The following JUP variants were observed in gnomAD, a reference collection of about 807,000 sequenced individuals.
JUP encodes junction plakoglobin.
JUP carries 28 observed loss-of-function variants against 71.1 expected under a neutral mutation model. That is an observed-to-expected ratio of 0.39 (90% CI 0.29 to 0.54). The LOEUF (loss-of-function observed/expected upper bound fraction) is 0.54, where lower values mean the gene tolerates loss of function less well. JUP is among the 20% of genes least tolerant of loss of function. The pLI is 0.62. For synonymous variants in JUP, 401 were observed against 438.9 expected, an observed-to-expected ratio of 0.91 and a Z score of 1.08; for missense variants, 869 against 1,030.1, an observed-to-expected ratio of 0.84 and a Z score of 2.14.
At chr17:41,756,309 A>T in intron 12 of JUP, 95 bp from the exon 13 acceptor site, 1 of 1,289,806 alleles carries the variant, frequency 7.8e-7, no homozygotes. Flanking sequence ...CTTCTAAAAG[A>T]GGGGGCCAGG....
chr17:41,785,335 G>A (rs1555611500), intron 1 of JUP, among the ~76,000 whole-genome samples: 1 of 152,040 alleles, frequency 6.6e-6, no homozygotes, highest in Non-Finnish European at 1.5e-5. Context: ...CCCCATTCCT[G>A]GGGAGGGGGC....
In JUP at chr17:41,775,679, G is replaced by A. The variant is rs554506867; in HGVS notation, c.-8-3817C>T. Among the ~76,000 whole-genome samples the A allele has an allele frequency of 4.6e-5, 7 of 152,326 alleles. No homozygotes were observed. In the South Asian group the frequency reaches 8.3e-4, roughly 18 times the overall value. ...TGAATGGGGGGCCTTTGTTTAGAGC[G>A]TGCTCTATTGTTAGCAGCACGGGAG... On this transcript the variant is annotated intron_variant, in intron 1 of 13. Coordinates refer to ENST00000393931, the MANE Select transcript of JUP (RefSeq NM_002230.4).
intron 1 of JUP, 43 bp from the exon 2 acceptor site, chr17:41,771,905 G>T: frequency 6.6e-7 from 1 of 1,512,104 alleles, no homozygotes. Context: ...GAAGTCACCT[G>T]GCCCAGCCCC....
intron 8 of JUP, 97 bp from the exon 9 acceptor site, chr17:41,758,967 C>T (rs1012195302): frequency 3.1e-5 from 40 of 1,305,222 alleles, no homozygotes; most frequent in Non-Finnish European, 3.9e-5. Context: ...TTCACCTCTT[C>T]TGTCCCCGAG....
Position 41,767,366 on chromosome 17 carries a change from G to A in JUP, c.909+13C>T. The stretch of plus-strand genomic sequence containing the variant: ...GTGGGCTTCAGGCCTCGGGAGAGTT[G>A]GGGAGGGCCCACCTTGCTCTCCTGG... On this transcript the variant is annotated intron_variant, in intron 5 of 13. Transcript: ENST00000393931. The A allele has an allele frequency of 6.2e-7, 1 of 1,612,558 alleles. No individual in the cohort carries two copies. The highest frequency in any genetic ancestry group is 8.5e-7 in the Non-Finnish European group (1 of 1,178,798).
At chr17:41,756,138 G>T in intron 13 of JUP, 37 bp downstream of exon 13, 3 of 1,605,340 alleles carry the variant, frequency 1.9e-6, no homozygotes, top group Non-Finnish European at 2.6e-6. Context: ...AGCCGCCCAG[G>T]ATCTCCAGGG....
intron 8 of JUP, among the ~76,000 whole-genome samples, chr17:41,761,678 G>A (rs1453229240): frequency 6.6e-6 from 1 of 151,510 alleles, no homozygotes; most frequent in East Asian, 1.9e-4. Context: ...GCTTGAACCC[G>A]GGAGGCGGAG....
chr17:41,769,798 C>T (rs545209175), intron 2 of JUP, 121 bp from the exon 3 acceptor site: 9 of 1,125,430 alleles, frequency 8.0e-6, no homozygotes, highest in African/African-American at 1.5e-5. Context: ...CTGCCCAAAC[C>T]CCCAGCACAT....
intron 2 of JUP, chr17:41,771,307 C>T: frequency 5.6e-6 from 2 of 354,138 alleles, no homozygotes; most frequent in South Asian, 2.7e-5. Context: ...GCTGGGATTA[C>T]AGGCATGAGC....
Position 41,771,488 on chromosome 17 carries a change from G to A in JUP, c.208+159C>T, listed in dbSNP as rs1325940966. ...CCAGATGCAGCACCCTGAAGTAGCT[G>A]CACCTCCTCCTTCAGACTGGGTGGG... On this transcript the variant is annotated intron_variant, in intron 2 of 13. Coordinates refer to ENST00000393931, the MANE Select transcript of JUP (RefSeq NM_002230.4). The A allele has an allele frequency of 1.1e-4, 71 of 662,610 alleles. 3 individuals are homozygous for A. In the South Asian group the frequency reaches 1.1e-3, roughly 10 times the overall value. 41.0% of individuals were successfully genotyped at this position (662,610 alleles called of 1,614,324 possible).
rs782667212 is a variant in JUP at position 41,764,828 on chromosome 17, A to T, written c.1055-12T>A. The T allele has an allele frequency of 1.4e-5, 22 of 1,613,536 alleles. No homozygotes were observed. The highest frequency in any genetic ancestry group is 1.9e-5 in the Non-Finnish European group (22 of 1,179,788). ...GGCCTGCATCCCACCTGGGGCAGGG[A>T]TAGGGGTGCCATCAGCCACGGGGAG... On this transcript the variant is annotated splice_polypyrimidine_tract_variant and intron_variant, in intron 6 of 13. Transcript: ENST00000393931.
rs868929068 is a variant in JUP at position 41,763,298 on chromosome 17, C to T, written c.1182G>A (p.Lys394=). 1 of 1,614,150 alleles carries T rather than the reference C, an allele frequency of 6.2e-7. No homozygotes were observed. ...CCACACTCAGCTGATTCACCAGAAT[C>T]TTCAGCACACTCTCCAGGCCCTCCT... ...TKQEGLESVL[K]ILVNQLSVDD... is the part of the protein sequence containing the mutation. Residue 394 remains lysine (K), a synonymous_variant, in exon 8 of 14, where the codon AAG becomes AAA. Transcript: ENST00000393931.
chr17:41,783,476 A>C (rs1398174580), intron 1 of JUP, among the ~76,000 whole-genome samples: 3 of 151,480 alleles, frequency 2.0e-5, no homozygotes, highest in East Asian at 3.9e-4. Context: ...TTTTGTAGAG[A>C]CAGGGTTTCT....
chr17:41,757,425 G>GCAGC lies in JUP; in HGVS notation c.2032_2035dup (p.Ala679GlyfsTer14). On this transcript the variant is annotated frameshift_variant, in exon 12 of 14. Coordinates refer to ENST00000393931, the MANE Select transcript of JUP (RefSeq NM_002230.4). LOFTEE classifies it high-confidence loss of function. ...ACCTAGGATACTCACAGCCTCCCAG[G>GCAGC]CAGCCGGGTCATGCTTGAAGAGGGA... The GCAGC allele has an allele frequency of 6.2e-7, 1 of 1,614,230 alleles. No homozygotes were observed. The highest frequency in any genetic ancestry group is 8.5e-7 in the Non-Finnish European group (1 of 1,180,044).
In JUP at chr17:41,755,850, A is replaced by G. The variant is rs782096012; in HGVS notation, c.2132T>C (p.Leu711Pro). 3 of 1,613,118 alleles carry G rather than the reference A, an allele frequency of 1.9e-6. No individual in the cohort carries two copies. In the African/African-American group the frequency reaches 4.0e-5, roughly 22 times the overall value. The change falls in exon 14 of 14, where the codon CTT (leucine) becomes CCT (proline). Residue 711 changes from leucine to proline, a missense_variant. Leu to Pro is a moderately conservative substitution (Grantham distance 98, BLOSUM62 -3). Coordinates refer to ENST00000393931, the MANE Select transcript of JUP (RefSeq NM_002230.4). Reference sequence around the variant, plus strand: ...GTCCATGTGCATCTCCAGCGGGTCAAGGGGCACATCGCTGGAGTACATGGG... The same window carrying G: ...GTCCATGTGCATCTCCAGCGGGTCAGGGGGCACATCGCTGGAGTACATGGG... Reference protein sequence around the residue: ...YRPMYSSDVPLDPLEMHMDMD... With the variant: ...YRPMYSSDVPPDPLEMHMDMD...
chr17:41,772,289 G>A, intron 1 of JUP: 1 of 298,278 alleles, frequency 3.4e-6, no homozygotes, highest in South Asian at 3.3e-5. Flanking sequence ...AACTACTGGG[G>A]CTCCCTGGGA....
Position 41,755,590 on chromosome 17 carries a change from A to T in JUP, c.*154T>A. On this transcript the variant is annotated 3_prime_UTR_variant, in exon 14 of 14. Coordinates refer to ENST00000393931, the MANE Select transcript of JUP (RefSeq NM_002230.4). ...CAAAGACACAAGAAGAAGGCAGGCC[A>T]GGGCACACCGTGCTTGGGGAAGCTC... The T allele has an allele frequency of 1.4e-6, 1 of 702,142 alleles. No homozygotes were observed. The highest frequency in any genetic ancestry group is 2.2e-6 in the Non-Finnish European group (1 of 451,678). 43.5% of individuals were successfully genotyped at this position (702,142 alleles called of 1,614,324 possible).
In JUP at chr17:41,757,730, C is replaced by A; in HGVS notation, c.1828G>T (p.Glu610Ter). ...IQRVAAGVLCELAQDKEAADA... is the reference protein window; with the variant it reads ...IQRVAAGVLC Reference sequence around the variant, plus strand: ...GCCGCCTCCTTGTCCTGGGCCAGCTCACACAGCACCCCGGCAGCCACGCGC... The same window carrying A: ...GCCGCCTCCTTGTCCTGGGCCAGCTAACACAGCACCCCGGCAGCCACGCGC... The change falls in exon 11 of 14, where the codon GAG (glutamate) becomes TAG (stop). Residue 610 changes from glutamate to a stop codon, truncating the protein, a stop_gained. Coordinates refer to ENST00000393931, the MANE Select transcript of JUP (RefSeq NM_002230.4). LOFTEE classifies it high-confidence loss of function. 1 of 1,613,122 alleles carries A rather than the reference C, an allele frequency of 6.2e-7. No homozygotes were observed. Among genetic ancestry groups the A allele is most frequent in the Non-Finnish European group, 8.5e-7 (1 of 1,179,434 alleles).
At chr17:41,775,327 G>A (rs1426252144) in intron 1 of JUP, among the ~76,000 whole-genome samples, 1 of 152,178 alleles carries the variant, frequency 6.6e-6, no homozygotes, top group Non-Finnish European at 1.5e-5. Flanking sequence ...CTGAGGAAGG[G>A]GTCACGGGAG....
Sources: gnomAD v4.1 joint callset for allele counts (sites outside exome capture counted in the v4.1 genomes callset) on GRCh38, gnomAD v4.1.1 for gene constraint, MANE v1.5 for transcripts, NCBI Gene and HGNC (gene_info 2026-07-23, HGNC 2026-07-21) for gene names.